The following NCOA2 variants were observed in gnomAD, a reference collection of about 807,000 sequenced individuals.
NCOA2 encodes nuclear receptor coactivator 2.
In NCOA2, 21 loss-of-function variants were observed where a neutral mutation model predicts 145.1. The observed-to-expected ratio is 0.14, with a 90% CI of 0.10 to 0.21. NCOA2 has a LOEUF of 0.21. Ranked by LOEUF, NCOA2 falls within the 10% of genes least tolerant of loss-of-function variation. The pLI, the probability that NCOA2 is intolerant of heterozygous loss-of-function variation, is 1.00. For missense variants in NCOA2, 1,472 were observed against 1,837.6 expected, an observed-to-expected ratio of 0.80 and a Z score of 3.64; for synonymous variants, 619 against 637.5, an observed-to-expected ratio of 0.97 and a Z score of 0.44.
the NCOA2 span, among the ~76,000 whole-genome samples, chr8:70,436,003 T>C: frequency 6.6e-6 from 1 of 152,280 alleles, no homozygotes; most frequent in East Asian, 1.9e-4. Context: ...ATGATCGTTT[T>C]TCCTCTCCAT....
At chr8:70,451,214 TC>T in the NCOA2 span, among the ~76,000 whole-genome samples, 4 of 45,970 alleles carry the variant, frequency 8.7e-5, no homozygotes, top group African/African-American at 4.3e-4. Context: ...CAAGACTCCG[TC>T]TCAAAAAAAA....
intron 1 of NCOA2, among the ~76,000 whole-genome samples, chr8:70,387,877 T>C (rs1163083462): frequency 6.6e-6 from 1 of 152,206 alleles, no homozygotes; most frequent in African/African-American, 2.4e-5. Context: ...TTTGTAGATA[T>C]TCTAGCCTGC....
intron 15 of NCOA2, among the ~76,000 whole-genome samples, chr8:70,136,425 TG>T (rs1316203458): frequency 2.0e-5 from 3 of 152,068 alleles, no homozygotes; most frequent in Non-Finnish European, 2.9e-5. Flanking sequence ...AAGTCTTTCA[TG>T]AAAGACAGCT....
At chr8:70,289,174 G>A (rs938540982) in intron 2 of NCOA2, among the ~76,000 whole-genome samples, 5 of 152,116 alleles carry the variant, frequency 3.3e-5, no homozygotes, top group African/African-American at 1.2e-4. Flanking sequence ...AAACAGAAGT[G>A]TTTTCTGGAC....
At chr8:70,337,530 A>G (rs1807723311) in intron 1 of NCOA2, among the ~76,000 whole-genome samples, 2 of 152,162 alleles carry the variant, frequency 1.3e-5, no homozygotes, top group Admixed American at 6.5e-5. Context: ...CGTAACTTGT[A>G]TAACTCTACC....
At chr8:70,152,038 A>C (rs1353638562) in intron 11 of NCOA2, among the ~76,000 whole-genome samples, 1 of 152,228 alleles carries the variant, frequency 6.6e-6, no homozygotes, top group Non-Finnish European at 1.5e-5. Context: ...TGTTAGGCAC[A>C]ATTTCTTTAC....
intron 15 of NCOA2, among the ~76,000 whole-genome samples, chr8:70,134,046 C>T (rs78596397): frequency 0.018 from 2,812 of 152,262 alleles, 39 homozygotes; most frequent in Non-Finnish European, 0.03. Flanking sequence ...CCCACTCCCG[C>T]CCCTTTCTGC....
intron 1 of NCOA2, among the ~76,000 whole-genome samples, chr8:70,389,468 T>C (rs1812986431): frequency 6.6e-6 from 1 of 151,742 alleles, no homozygotes; most frequent in Non-Finnish European, 1.5e-5. Context: ...TTAGTAGAGA[T>C]GAGGGTTCTC....
At chr8:70,327,319 G>A (rs1459959248) in intron 1 of NCOA2, among the ~76,000 whole-genome samples, 1 of 152,182 alleles carries the variant, frequency 6.6e-6, no homozygotes, top group Non-Finnish European at 1.5e-5. Flanking sequence ...CAAGAATGCA[G>A]TATGTATTCT....
At chr8:70,115,611 G>A (rs1312620994) in intron 22 of NCOA2, among the ~76,000 whole-genome samples, 5 of 152,072 alleles carry the variant, frequency 3.3e-5, no homozygotes, top group Admixed American at 6.5e-5. Context: ...ACTAAAAGCC[G>A]ACCCTATTAG....
At chr8:70,222,415 A>T (rs1350059758) in intron 2 of NCOA2, among the ~76,000 whole-genome samples, 1 of 152,228 alleles carries the variant, frequency 6.6e-6, no homozygotes, top group Non-Finnish European at 1.5e-5. Flanking sequence ...ACCTTCTCTT[A>T]TGCTGTGTCT....
At position 70,157,078 on chromosome 8, in the gene NCOA2, G is replaced by A; in HGVS notation, c.1287C>T (p.Gly429=). ...LSSNINFPIN[G]PKEQMGMPMG... The stretch of plus-strand genomic sequence containing the variant: ...TGGGCATGCCCATTTGTTCCTTTGG[G>A]CCATTTATGGGAAAATTTATATTGC... Residue 429 remains glycine (G), a synonymous_variant, in exon 11 of 23, where the codon GGC becomes GGT. Transcript: ENST00000452400. 6.2e-7 allele frequency: 1 copy of A among 1,613,996 alleles called. No individual in the cohort carries two copies. Among genetic ancestry groups the A allele is most frequent in the Non-Finnish European group, 8.5e-7 (1 of 1,179,894 alleles).
In NCOA2 at chr8:70,157,144, G is replaced by A. The variant is rs369626229; in HGVS notation, c.1221C>T (p.Ala407=). The A allele has an allele frequency of 1.7e-5, 27 of 1,612,802 alleles. No homozygotes were observed. The highest frequency in any genetic ancestry group is 2.3e-5 in the Non-Finnish European group (27 of 1,179,030). The change falls in exon 11 of 23, where the codon GCC becomes GCT. Residue 407 remains alanine (A), a synonymous_variant. Transcript: ENST00000452400. ...CCTGACCTGGGTTCCCACTGCACAG[G>A]GCCTGATGGGCAGGGCTGTTAGAGC... The part of the protein sequence containing the change: ...PISSNSPAHQ[A]LCSGNPGQDM...
At chr8:70,450,506 A>C in the NCOA2 span, among the ~76,000 whole-genome samples, 101 of 151,726 alleles carry the variant, frequency 6.7e-4, no homozygotes, top group African/African-American at 2.3e-3. Context: ...TTGTTTATAA[A>C]CTACCCAGTG....
At chr8:70,194,809 T>C (rs4284069) in intron 4 of NCOA2, among the ~76,000 whole-genome samples, 1 of 151,576 alleles carries the variant, frequency 6.6e-6, no homozygotes, top group Non-Finnish European at 1.5e-5. Context: ...GTGTTTCAAA[T>C]AACAGCTGAT....
At chr8:70,137,287 C>T (rs1029254425) in intron 15 of NCOA2, among the ~76,000 whole-genome samples, 7 of 152,202 alleles carry the variant, frequency 4.6e-5, no homozygotes, top group Non-Finnish European at 1.0e-4. Context: ...AGGTGATCTG[C>T]CCGCCTCAAC....
chr8:70,363,088 A>AAAAAC (rs1202502536), intron 1 of NCOA2, among the ~76,000 whole-genome samples: 7 of 147,538 alleles, frequency 4.7e-5, no homozygotes, highest in Middle Eastern at 3.8e-3. Flanking sequence ...TTAAAAAAAA[A>AAAAAC]AAAAAAAAAA....
chr8:70,156,925 T>C lies in NCOA2; in HGVS notation c.1440A>G (p.Gly480=). The C allele has an allele frequency of 6.2e-7, 1 of 1,614,040 alleles. No individual in the cohort carries two copies. Among genetic ancestry groups the C allele is most frequent in the African/African-American group, 1.3e-5 (1 of 75,066 alleles). ...PSQSSPGMNP[G]QPTSMLSPRH... ...TTGGTGAAAGCATGGAGGTGGGCTG[T>C]CCTGGATTCATGCCAGGGCTGCTTT... The change falls in exon 11 of 23, where the codon GGA becomes GGG. Residue 480 remains glycine (G), a synonymous_variant. Transcript: ENST00000452400.
At chr8:70,425,487 G>C in the NCOA2 span, among the ~76,000 whole-genome samples, 5 of 151,766 alleles carry the variant, frequency 3.3e-5, no homozygotes, top group Admixed American at 2.6e-4. Context: ...CTCACATCCT[G>C]TTCCCTGCCC....
Sources: allele counts gnomAD v4.1 joint callset (sites outside exome capture counted in the v4.1 genomes callset), GRCh38; gene constraint gnomAD v4.1.1; transcripts MANE v1.5; gene names NCBI Gene and HGNC (gene_info 2026-07-23, HGNC 2026-07-21).